The following CNTN4 variants were observed in gnomAD, a reference collection of about 807,000 sequenced individuals.
CNTN4 encodes contactin-4.
A neutral mutation model predicts 122.5 loss-of-function variants in CNTN4; 77 were observed. The observed-to-expected ratio is 0.63, with a 90% CI of 0.52 to 0.76. CNTN4 has a LOEUF of 0.76. Ranked by LOEUF, CNTN4 falls within the 30% of genes least tolerant of loss-of-function variation. The pLI, the probability that CNTN4 is intolerant of heterozygous loss-of-function variation, is 0.00. For synonymous variants in CNTN4, 512 were observed against 447.0 expected (o/e 1.15, Z -1.83); for missense variants, 1,256 against 1,259.1 (o/e 1.00, Z 0.04).
intron 14 of CNTN4, among the ~76,000 whole-genome samples, chr3:3,003,181 G>A (rs571764374): frequency 6.6e-6 from 1 of 152,268 alleles, no homozygotes; most frequent in African/African-American, 2.4e-5. Context: ...GTGCCTTCCT[G>A]GGAGACTTCT....
chr3:2,525,255 TC>T (rs1482247606), intron 3 of CNTN4, among the ~76,000 whole-genome samples: 1 of 152,148 alleles, frequency 6.6e-6, no homozygotes. Context: ...GACTGCCTTT[TC>T]TTTTTCCAAT....
At chr3:2,388,889 G>A (rs564931461) in intron 3 of CNTN4, among the ~76,000 whole-genome samples, 1 of 151,308 alleles carries the variant, frequency 6.6e-6, no homozygotes, top group Non-Finnish European at 1.5e-5. Context: ...CAGGCGCAGT[G>A]TCTCACGCCT....
chr3:2,932,618 C>T (rs899875980), intron 13 of CNTN4, among the ~76,000 whole-genome samples: 2 of 151,996 alleles, frequency 1.3e-5, no homozygotes, highest in Non-Finnish European at 2.9e-5. Context: ...AAGTCTTAAT[C>T]GGTAGAGGTT....
chr3:2,275,913 CTG>C (rs1444915342), intron 2 of CNTN4, among the ~76,000 whole-genome samples: 35 of 101,766 alleles, frequency 3.4e-4, no homozygotes, highest in African/African-American at 1.3e-3. Flanking sequence ...GAGCCAGACT[CTG>C]TCTCAAAAAA....
chr3:2,470,753 C>G, intron 3 of CNTN4, among the ~76,000 whole-genome samples: 1 of 152,298 alleles, frequency 6.6e-6, no homozygotes, highest in East Asian at 1.9e-4. Context: ...TGGCCTGCCT[C>G]TCGTTTTAGG....
intron 2 of CNTN4, among the ~76,000 whole-genome samples, chr3:2,322,916 G>T (rs1145044): frequency 0.83 from 126,114 of 152,010 alleles, 52,798 homozygotes; most frequent in East Asian, 1. Context: ...AAAAGTTGCT[G>T]TCTCAGATTG....
intron 2 of CNTN4, among the ~76,000 whole-genome samples, chr3:2,132,057 A>G (rs1046553489): frequency 6.6e-6 from 1 of 152,198 alleles, no homozygotes; most frequent in Admixed American, 6.5e-5. Flanking sequence ...TGGCCAAGTC[A>G]TAAGGAGCCT....
intron 6 of CNTN4, among the ~76,000 whole-genome samples, chr3:2,772,826 C>T (rs529438946): frequency 1.3e-5 from 2 of 152,016 alleles, no homozygotes; most frequent in South Asian, 2.1e-4. Flanking sequence ...GAGAGAAAAG[C>T]AAAGGCACCT....
At chr3:2,415,717 A>G (rs1194007312) in intron 3 of CNTN4, among the ~76,000 whole-genome samples, 3 of 152,074 alleles carry the variant, frequency 2.0e-5, no homozygotes, top group Admixed American at 6.6e-5. Context: ...TATGATTTCT[A>G]TAAGTTTCAG....
At position 2,568,330 on chromosome 3, in the gene CNTN4, A is replaced by AC. The variant is rs1331275947; in HGVS notation, c.-88-3086_-88-3085insC. On this transcript the variant is annotated intron_variant, in intron 3 of 24. Transcript: ENST00000418658. ...GTGCAAGAATGTGAAAAAAAAAAAA[A>AC]AAAAAAAAAACCACCCTGTACAATT... Among the ~76,000 whole-genome samples the AC allele has an allele frequency of 1.3e-4, 19 of 151,058 alleles. 1 individual carries two copies. Among genetic ancestry groups the AC allele is most frequent in the African/African-American group, 3.9e-4 (16 of 41,244 alleles).
intron 6 of CNTN4, among the ~76,000 whole-genome samples, chr3:2,795,806 C>A (rs1426470193): frequency 6.6e-6 from 1 of 152,086 alleles, no homozygotes; most frequent in South Asian, 2.1e-4. Flanking sequence ...AGACGTGAGC[C>A]ACCACGCCCA....
At chr3:2,774,903 C>T (rs1190838180) in intron 6 of CNTN4, among the ~76,000 whole-genome samples, 1 of 152,174 alleles carries the variant, frequency 6.6e-6, no homozygotes, top group East Asian at 1.9e-4. Context: ...TGCAAGATTT[C>T]CAGGATTCTT....
At chr3:2,881,906 G>A (rs1213688533) in intron 8 of CNTN4, among the ~76,000 whole-genome samples, 1 of 152,236 alleles carries the variant, frequency 6.6e-6, no homozygotes, top group Non-Finnish European at 1.5e-5. Flanking sequence ...AAGGAGAGAT[G>A]AAATGGAGAG....
intron 4 of CNTN4, among the ~76,000 whole-genome samples, chr3:2,608,458 T>C (rs891174478): frequency 7.2e-6 from 1 of 139,246 alleles, no homozygotes; most frequent in African/African-American, 2.4e-5. Flanking sequence ...AGACGCTGTC[T>C]GTTTAAAAAA....
At chr3:2,692,359 A>G (rs2085787787) in intron 4 of CNTN4, among the ~76,000 whole-genome samples, 1 of 152,076 alleles carries the variant, frequency 6.6e-6, no homozygotes, top group Non-Finnish European at 1.5e-5. Flanking sequence ...GGCAGTTCCA[A>G]TAATTTTCCT....
chr3:2,122,791 AT>A (rs1559264047), intron 2 of CNTN4, among the ~76,000 whole-genome samples: 1 of 152,200 alleles, frequency 6.6e-6, no homozygotes, highest in Non-Finnish European at 1.5e-5. Context: ...TCATTTTACA[AT>A]CTGTCAACAT....
At chr3:2,921,294 C>A (rs2094427718) in intron 12 of CNTN4, among the ~76,000 whole-genome samples, 1 of 152,200 alleles carries the variant, frequency 6.6e-6, no homozygotes, top group East Asian at 1.9e-4. Context: ...GCCTTGGCCT[C>A]CCAAAGTGCT....
chr3:2,207,131 G>A (rs990012879), intron 2 of CNTN4, among the ~76,000 whole-genome samples: 2 of 152,004 alleles, frequency 1.3e-5, no homozygotes, highest in African/African-American at 4.8e-5. Context: ...GAACTTAATT[G>A]ATAAGTGTAG....
intron 13 of CNTN4, among the ~76,000 whole-genome samples, chr3:2,986,796 G>A (rs940278688): frequency 6.6e-6 from 1 of 152,044 alleles, no homozygotes; most frequent in African/African-American, 2.4e-5. Flanking sequence ...TATTTACTCG[G>A]CCACTTAAGA....
Sources: gnomAD v4.1 joint callset for allele counts (sites outside exome capture counted in the v4.1 genomes callset) on GRCh38, gnomAD v4.1.1 for gene constraint, MANE v1.5 for transcripts, NCBI Gene and HGNC (gene_info 2026-07-23, HGNC 2026-07-21) for gene names.